The following DNAAF11 variants were observed in gnomAD, a reference collection of about 807,000 sequenced individuals.
The protein encoded by DNAAF11 is dynein axonemal assembly factor 11.
A neutral mutation model predicts 60.8 loss-of-function variants in DNAAF11; 45 were observed. The ratio of observed to expected loss-of-function variants is 0.74; its 90% confidence interval spans 0.58 to 0.95. The LOEUF (loss-of-function observed/expected upper bound fraction) is 0.95. Among genes scored for constraint, DNAAF11 ranks in the 40% least tolerant of loss-of-function variants. The pLI, the probability that DNAAF11 is intolerant of heterozygous loss-of-function variation, is 0.00. For missense variants in DNAAF11, 546 were observed against 546.2 expected (o/e 1.00, Z 0.00); for synonymous variants, 191 against 183.5 (o/e 1.04, Z -0.33).
intron 10 of DNAAF11, among the ~76,000 whole-genome samples, chr8:132,603,590 T>C (rs940473122): frequency 2.0e-5 from 3 of 149,346 alleles, no homozygotes; most frequent in African/African-American, 7.4e-5. Flanking sequence ...AGAGATGTTT[T>C]AGTGGGGGGT....
chr8:132,648,564 C>T (rs1285184060), intron 3 of DNAAF11, among the ~76,000 whole-genome samples: 1 of 152,168 alleles, frequency 6.6e-6, no homozygotes, highest in Admixed American at 6.5e-5. Context: ...AAGAGGAAGT[C>T]AAATTGTCCC....
At chr8:132,689,632 T>C in the DNAAF11 span, among the ~76,000 whole-genome samples, 2 of 152,200 alleles carry the variant, frequency 1.3e-5, no homozygotes, top group Admixed American at 1.3e-4. Context: ...AAATATACTA[T>C]GACCATTCTC....
intron 10 of DNAAF11, among the ~76,000 whole-genome samples, chr8:132,602,076 T>C (rs1041326118): frequency 6.6e-6 from 1 of 152,168 alleles, no homozygotes; most frequent in Non-Finnish European, 1.5e-5. Flanking sequence ...CTCATCTTCT[T>C]ACTTTCCAGT....
chr8:132,654,890 GAGAA>G (rs1191483934), intron 3 of DNAAF11, among the ~76,000 whole-genome samples: 1 of 151,572 alleles, frequency 6.6e-6, no homozygotes, highest in Non-Finnish European at 1.5e-5. Context: ...AAAACACAAA[GAGAA>G]AGAAATAATA....
intron 3 of DNAAF11, among the ~76,000 whole-genome samples, chr8:132,640,285 T>C (rs1821729202): frequency 6.6e-6 from 1 of 152,166 alleles, no homozygotes; most frequent in Admixed American, 6.5e-5. Flanking sequence ...AATGGTGATA[T>C]ATCCCAGAGT....
rs188631829 is a variant in DNAAF11 at position 132,629,997 on chromosome 8, T to A, written c.653+2743A>T. ...CCTCATTGAAGGACTCAGAAGAAGATCTAAATAAATAGAGCTCTTCCAAGG... is the reference window on the plus strand; with the variant it reads ...CCTCATTGAAGGACTCAGAAGAAGAACTAAATAAATAGAGCTCTTCCAAGG... On this transcript the variant is annotated intron_variant, in intron 5 of 11. Transcript: ENST00000620350. Among the ~76,000 whole-genome samples, 470 of 152,214 alleles carry A rather than the reference T, an allele frequency of 3.1e-3. 3 individuals carry two copies. Among genetic ancestry groups the A allele is most frequent in the Middle Eastern group, 0.017 (5 of 294 alleles).
chr8:132,637,926 GA>G lies in DNAAF11; in HGVS notation c.429+8del, dbSNP rs1821460744. 6.3e-7 allele frequency: 1 copy of G among 1,596,824 alleles called. No homozygotes were observed. The highest frequency in any genetic ancestry group is 8.5e-7 in the Non-Finnish European group (1 of 1,171,368). On this transcript the variant is annotated splice_region_variant and intron_variant, in intron 4 of 11. Transcript: ENST00000620350. ...ATCTGTGATTTCTGCACCATTAAAA[GA>G]ACCATACCTTTAATTGTGGAAGAGT...
At chr8:132,680,146 G>A (rs1379085358), upstream of DNAAF11, among the ~76,000 whole-genome samples, 3 of 152,226 alleles carry the variant, frequency 2.0e-5, no homozygotes, top group Non-Finnish European at 2.9e-5. Context: ...TGACAGGGAG[G>A]ACAACTGGGA....
Position 132,655,459 on chromosome 8 carries a change from C to A in DNAAF11, c.256+1371G>T, listed in dbSNP as rs530076195. 7.9e-5 allele frequency among the ~76,000 whole-genome samples: 12 copies of A among 152,148 alleles called. No individual in the cohort carries two copies. The East Asian group carries it at 1.9e-3, about 24-fold the overall frequency. Reference sequence around the variant, plus strand: ...GACACCTATAGGGAAAACAAACAAACAAACTATAGACAAAACTAAGAACAA... The same window carrying A: ...GACACCTATAGGGAAAACAAACAAAAAAACTATAGACAAAACTAAGAACAA... On this transcript the variant is annotated intron_variant, in intron 3 of 11. Transcript: ENST00000620350.
At chr8:132,698,967 C>A in the DNAAF11 span, among the ~76,000 whole-genome samples, 12,626 of 109,472 alleles carry the variant, frequency 0.12, 1,972 homozygotes, top group African/African-American at 0.39. Flanking sequence ...CACACACACA[C>A]ACACAAAAAA....
At chr8:132,697,018 C>A in the DNAAF11 span, among the ~76,000 whole-genome samples, 1 of 152,158 alleles carries the variant, frequency 6.6e-6, no homozygotes, top group Non-Finnish European at 1.5e-5. Flanking sequence ...ATGTAACAAA[C>A]CTGCACATGT....
chr8:132,572,329 G>C lies in DNAAF11; in HGVS notation c.1378C>G (p.Pro460Ala), dbSNP rs200051167. Reference protein sequence around the residue: ...SEEDPTFEDNPEVPPLI With the variant: ...SEEDPTFEDNAEVPPLI ...TTTCAAATCAGCGGAGGCACTTCAG[G>C]GTTGTCTTCAAAGGTTGGGTCTTCC... Residue 460 changes from proline (P) to alanine (A), a missense_variant, in exon 12 of 12, where the codon CCT (proline) becomes GCT (alanine). Coordinates refer to ENST00000620350, the MANE Select transcript of DNAAF11 (RefSeq NM_012472.6). 6.2e-7 allele frequency: 1 copy of C among 1,613,312 alleles called. No individual in the cohort carries two copies. Among genetic ancestry groups the C allele is most frequent in the South Asian group, 1.1e-5 (1 of 90,894 alleles).
intron 4 of DNAAF11, 86 bp downstream of exon 4, chr8:132,637,849 T>G: frequency 5.3e-6 from 6 of 1,135,282 alleles, no homozygotes; most frequent in Non-Finnish European, 7.6e-6. Flanking sequence ...AGCAACACAT[T>G]CACTGTTGCT....
chr8:132,678,987 A>C (rs1825827136), upstream of DNAAF11, among the ~76,000 whole-genome samples: 1 of 152,054 alleles, frequency 6.6e-6, no homozygotes, highest in Admixed American at 6.5e-5. Flanking sequence ...AAAATCTCTA[A>C]GATACTTTTA....
intron 11 of DNAAF11, among the ~76,000 whole-genome samples, chr8:132,576,652 A>G (rs1814779512): frequency 6.6e-6 from 1 of 152,218 alleles, no homozygotes; most frequent in African/African-American, 2.4e-5. Context: ...CATAATGCTC[A>G]AAGGAAATGC....
intron 10 of DNAAF11, 39 bp downstream of exon 10, chr8:132,610,127 A>G: frequency 2.1e-6 from 3 of 1,446,506 alleles, no homozygotes; most frequent in Non-Finnish European, 2.9e-6. Flanking sequence ...AGGAACCCTC[A>G]TATCCAGACT....
chr8:132,657,965 A>C (rs1388488052), intron 2 of DNAAF11, among the ~76,000 whole-genome samples: 3 of 152,342 alleles, frequency 2.0e-5, no homozygotes, highest in Non-Finnish European at 4.4e-5. Flanking sequence ...CTAAGATGAC[A>C]GGAATGTAGA....
the DNAAF11 span, among the ~76,000 whole-genome samples, chr8:132,702,888 A>T: frequency 6.6e-6 from 1 of 152,216 alleles, no homozygotes; most frequent in African/African-American, 2.4e-5. Context: ...GCAAGAGAGG[A>T]AACAAGGAAG....
At chr8:132,684,251 G>A in the DNAAF11 span, among the ~76,000 whole-genome samples, 3,720 of 152,266 alleles carry the variant, frequency 0.024, 165 homozygotes, top group African/African-American at 0.085. Flanking sequence ...TACAGAAACA[G>A]CTACAGTTTA....
Sources: gnomAD v4.1 joint callset for allele counts (sites outside exome capture counted in the v4.1 genomes callset) on GRCh38, gnomAD v4.1.1 for gene constraint, MANE v1.5 for transcripts, NCBI Gene and HGNC (gene_info 2026-07-23, HGNC 2026-07-21) for gene names.